Variants in UBE4B observed in about 807,000 individuals in gnomAD.
The protein encoded by UBE4B is ubiquitination factor E4B, also known as ubiquitin conjugation factor E4 B.
UBE4B carries 27 observed loss-of-function variants against 148.1 expected under a neutral mutation model. The ratio of observed to expected loss-of-function variants is 0.18; its 90% CI spans 0.13 to 0.25. The LOEUF (loss-of-function observed/expected upper bound fraction) is 0.25, where lower values mean the gene tolerates loss of function less well. UBE4B is among the 10% of genes least tolerant of loss of function. The pLI is 1.00. For synonymous variants in UBE4B, 596 were observed against 619.3 expected (o/e 0.96, Z 0.56); for missense variants, 1,170 against 1,662.4 (o/e 0.70, Z 5.15).
At chr1:10,131,199 G>A (rs889451872) in intron 14 of UBE4B, among the ~76,000 whole-genome samples, 6 of 152,178 alleles carry the variant, frequency 3.9e-5, no homozygotes, top group South Asian at 2.1e-4. Context: ...GAGAAGGGCC[G>A]GGTGTGATGG....
chr1:10,159,026 A>T (rs1285969859), intron 22 of UBE4B, among the ~76,000 whole-genome samples: 1 of 151,334 alleles, frequency 6.6e-6, no homozygotes, highest in Non-Finnish European at 1.5e-5. Flanking sequence ...AAAAAAAAAA[A>T]GGAAAAGAAA....
rs1644916760 is a variant in UBE4B, at chr1:10,095,513, G to A, written c.264G>A (p.Ser88=). The stretch of plus-strand genomic sequence containing the variant: ...AAGGAGTCAGTTCTCTCAGCAGCTC[G>A]CCCTCTAATAGCCTTGAAACGCAAT... The part of the protein sequence containing the change: ...SSEGVSSLSS[S]PSNSLETQSQ... The change falls in exon 3 of 28, where the codon TCG becomes TCA. Residue 88 remains serine, a synonymous_variant. Transcript: ENST00000343090. The A allele has an allele frequency of 5.0e-6, 8 of 1,614,096 alleles. No homozygotes were observed. The highest frequency in any genetic ancestry group is 1.6e-4 in the Middle Eastern group (1 of 6,062).
At chr1:10,163,494 C>T (rs1050477071) in intron 23 of UBE4B, 1 of 152,024 alleles carries the variant, frequency 6.6e-6, no homozygotes, top group African/African-American at 2.4e-5. Flanking sequence ...ATGGTGAAAC[C>T]CCGTCTCTAC....
chr1:10,033,886 T>C (rs1240038151), intron 1 of UBE4B, among the ~76,000 whole-genome samples, 192 bp downstream of exon 1: 2 of 152,202 alleles, frequency 1.3e-5, no homozygotes, highest in African/African-American at 2.4e-5. Context: ...CCTTCTTTCT[T>C]CATTCTGAAC....
At chr1:10,065,320 G>A (rs544218196) in intron 1 of UBE4B, among the ~76,000 whole-genome samples, 3 of 152,296 alleles carry the variant, frequency 2.0e-5, no homozygotes, top group East Asian at 3.9e-4. Context: ...AGGATATAGA[G>A]CAGTTATGGG....
intron 21 of UBE4B, among the ~76,000 whole-genome samples, chr1:10,155,193 G>C (rs961733211): frequency 1.3e-5 from 2 of 152,072 alleles, no homozygotes; most frequent in Non-Finnish European, 2.9e-5. Context: ...TGCTGGGAAT[G>C]TTCCAGAAGG....
At chr1:10,115,883 A>G (rs760322635) in intron 7 of UBE4B, among the ~76,000 whole-genome samples, 2 of 152,194 alleles carry the variant, frequency 1.3e-5, no homozygotes, top group Admixed American at 1.3e-4. Context: ...TTGTGTATCT[A>G]AACATGTCTA....
At chr1:10,165,024 G>A (rs953910587) in intron 23 of UBE4B, among the ~76,000 whole-genome samples, 1 of 151,962 alleles carries the variant, frequency 6.6e-6, no homozygotes, top group South Asian at 2.1e-4. Flanking sequence ...GATGTCCCCC[G>A]GTGAACATCA....
At chr1:10,160,716 G>A (rs779251143) in intron 22 of UBE4B, among the ~76,000 whole-genome samples, 8 of 152,204 alleles carry the variant, frequency 5.3e-5, no homozygotes, top group Non-Finnish European at 1.2e-4. Flanking sequence ...AGGGGCTGAG[G>A]TGGGAGGAAC....
At chr1:10,066,966 G>C (rs1644397747) in intron 1 of UBE4B, among the ~76,000 whole-genome samples, 1 of 152,068 alleles carries the variant, frequency 6.6e-6, no homozygotes, top group Non-Finnish European at 1.5e-5. Context: ...CTACCCCAAA[G>C]AGAAAGTATT....
intron 17 of UBE4B, among the ~76,000 whole-genome samples, chr1:10,142,405 G>A (rs564683388): frequency 3.2e-4 from 48 of 152,312 alleles, no homozygotes; most frequent in African/African-American, 1.1e-3. Flanking sequence ...CAGCGCAGTG[G>A]CTCACGCCTG....
intron 1 of UBE4B, among the ~76,000 whole-genome samples, chr1:10,051,777 T>C (rs1310922657): frequency 6.6e-6 from 1 of 152,138 alleles, no homozygotes; most frequent in Non-Finnish European, 1.5e-5. Flanking sequence ...GTGACACACT[T>C]TACTCCCATC....
intron 25 of UBE4B, among the ~76,000 whole-genome samples, chr1:10,172,248 T>C (rs1035434368): frequency 2.0e-5 from 3 of 152,228 alleles, no homozygotes; most frequent in Non-Finnish European, 4.4e-5. Flanking sequence ...CATAAAGGGC[T>C]GGCCCCCTCC....
intron 1 of UBE4B, among the ~76,000 whole-genome samples, chr1:10,064,266 C>G (rs1644343039): frequency 6.6e-6 from 1 of 152,134 alleles, no homozygotes; most frequent in Non-Finnish European, 1.5e-5. Flanking sequence ...AAATTGCTCT[C>G]TGGGATGATT....
At chr1:10,072,318 T>C in intron 2 of UBE4B, 104 bp downstream of exon 2, 1 of 1,353,202 alleles carries the variant, frequency 7.4e-7, no homozygotes, top group Non-Finnish European at 1.0e-6. Context: ...GAAGCAGACA[T>C]CAGCTCTTTA....
At chr1:10,129,552 T>G (rs1456237592) in intron 12 of UBE4B, 104 bp downstream of exon 12, 1 of 1,191,090 alleles carries the variant, frequency 8.4e-7, no homozygotes, top group East Asian at 2.4e-5. Flanking sequence ...TGAAGGACAT[T>G]TAGGTGTAGG....
chr1:10,153,404 G>T (rs962316371), intron 21 of UBE4B, among the ~76,000 whole-genome samples: 1 of 149,122 alleles, frequency 6.7e-6, no homozygotes, highest in Non-Finnish European at 1.5e-5. Context: ...GTGGGAGGAA[G>T]GCTTGAGCCC....
intron 19 of UBE4B, 79 bp from the exon 20 acceptor site, chr1:10,149,105 C>T (rs777198796): frequency 1.4e-4 from 134 of 991,034 alleles, no homozygotes; most frequent in Non-Finnish European, 1.9e-4. Flanking sequence ...AATACTTATC[C>T]GATGGTAATG....
chr1:10,100,028 C>T (rs765519550), intron 3 of UBE4B, among the ~76,000 whole-genome samples: 3 of 151,912 alleles, frequency 2.0e-5, no homozygotes, highest in Admixed American at 6.6e-5. Flanking sequence ...CTCGCTCTGT[C>T]GCCCAGGCTG....
Sources: allele counts gnomAD v4.1 joint callset (sites outside exome capture counted in the v4.1 genomes callset), GRCh38; gene constraint gnomAD v4.1.1; transcripts MANE v1.5; gene names NCBI Gene and HGNC (gene_info 2026-07-23, HGNC 2026-07-21).